The following GRM7 variants were observed in gnomAD, a reference collection of about 807,000 sequenced individuals.
GRM7 encodes glutamate metabotropic receptor 7, also known as metabotropic glutamate receptor 7.
Under a neutral mutation model 84.5 loss-of-function variants are expected in GRM7, and 35 were observed. The ratio of observed to expected loss-of-function variants is 0.41; its 90% CI spans 0.32 to 0.55. The LOEUF is 0.55. Among genes scored for constraint, GRM7 ranks in the 20% least tolerant of loss-of-function variants. The pLI, the probability that GRM7 is intolerant of heterozygous loss-of-function variation, is 0.19. For synonymous variants in GRM7, 487 were observed against 455.1 expected, an observed-to-expected ratio of 1.07 and a Z score of -0.89; for missense variants, 1,003 against 1,194.6, an observed-to-expected ratio of 0.84 and a Z score of 2.36.
chr3:7,398,958 A>G (rs1290559813), intron 4 of GRM7, among the ~76,000 whole-genome samples: 1 of 151,972 alleles, frequency 6.6e-6, no homozygotes, highest in Non-Finnish European at 1.5e-5. Context: ...ACACCTTCAA[A>G]TGCGGGCATT....
At chr3:6,980,003 C>G (rs189807599) in intron 1 of GRM7, among the ~76,000 whole-genome samples, 1 of 151,916 alleles carries the variant, frequency 6.6e-6, no homozygotes, top group Admixed American at 6.6e-5. Flanking sequence ...TTGAAAAATC[C>G]CCAAATCTCA....
intron 1 of GRM7, among the ~76,000 whole-genome samples, chr3:6,983,724 G>A (rs981781972): frequency 4.0e-5 from 6 of 151,854 alleles, no homozygotes; most frequent in African/African-American, 7.2e-5. Context: ...GCAGAACCTG[G>A]CTTTTGTAAT....
intron 2 of GRM7, among the ~76,000 whole-genome samples, chr3:7,163,569 A>G (rs1449773205): frequency 1.3e-5 from 2 of 152,238 alleles, no homozygotes; most frequent in Non-Finnish European, 2.9e-5. Flanking sequence ...GGCAAAGACA[A>G]TAAATAAGTA....
intron 1 of GRM7, among the ~76,000 whole-genome samples, chr3:6,877,946 T>A (rs1485306770): frequency 2.7e-5 from 3 of 112,104 alleles, no homozygotes; most frequent in African/African-American, 1.1e-4. Flanking sequence ...ACTCAATAAC[T>A]TACTTTTTTT....
intron 8 of GRM7, among the ~76,000 whole-genome samples, chr3:7,601,703 C>T (rs1249837001): frequency 6.6e-6 from 1 of 151,978 alleles, no homozygotes; most frequent in Non-Finnish European, 1.5e-5. Context: ...GTCAGTGTCT[C>T]CAGGAGTCAT....
chr3:7,314,670 C>T (rs892361610), intron 4 of GRM7, among the ~76,000 whole-genome samples: 2 of 151,972 alleles, frequency 1.3e-5, no homozygotes, highest in Non-Finnish European at 2.9e-5. Flanking sequence ...CCTATTTTCA[C>T]TTAGTTCTTT....
chr3:7,232,160 G>A (rs1352558115), intron 2 of GRM7, among the ~76,000 whole-genome samples: 1 of 151,918 alleles, frequency 6.6e-6, no homozygotes, highest in African/African-American at 2.4e-5. Flanking sequence ...GAGAGAAATA[G>A]CACACATGTA....
intron 9 of GRM7, among the ~76,000 whole-genome samples, chr3:7,716,183 A>C (rs3804820): frequency 0.075 from 11,430 of 152,150 alleles, 518 homozygotes; most frequent in South Asian, 0.12. Context: ...TAGTTCAGAG[A>C]CATATGGGAT....
chr3:7,426,852 C>G (rs942408790), intron 5 of GRM7, among the ~76,000 whole-genome samples: 2 of 152,154 alleles, frequency 1.3e-5, no homozygotes, highest in Non-Finnish European at 2.9e-5. Context: ...TGTTGAGAAA[C>G]TACTAATTTT....
At chr3:7,129,614 T>C (rs28713658) in intron 1 of GRM7, among the ~76,000 whole-genome samples, 16 of 152,244 alleles carry the variant, frequency 1.1e-4, no homozygotes, top group African/African-American at 3.8e-4. Flanking sequence ...CATTTGTCTT[T>C]TTCCATATCC....
chr3:6,929,959 A>T (rs1697442728), intron 1 of GRM7, among the ~76,000 whole-genome samples: 1 of 152,186 alleles, frequency 6.6e-6, no homozygotes, highest in Non-Finnish European at 1.5e-5. Flanking sequence ...CAGACCCCAC[A>T]AACGTGGTGT....
At chr3:7,618,826 A>C (rs1559443387) in intron 8 of GRM7, among the ~76,000 whole-genome samples, 1 of 151,954 alleles carries the variant, frequency 6.6e-6, no homozygotes, top group African/African-American at 2.4e-5. Context: ...TGATGATAAT[A>C]CAGAAGGTCC....
At chr3:7,520,225 A>T (rs1289281314) in intron 7 of GRM7, 1 of 152,128 alleles carries the variant, frequency 6.6e-6, no homozygotes, top group Non-Finnish European at 1.5e-5. Flanking sequence ...CATTGTTGGA[A>T]CACATTGTCT....
chr3:7,324,124 C>G (rs1279438629), intron 4 of GRM7, among the ~76,000 whole-genome samples: 1 of 152,092 alleles, frequency 6.6e-6, no homozygotes, highest in African/African-American at 2.4e-5. Context: ...AAACCTGGAC[C>G]AGGACTCCAT....
intron 7 of GRM7, among the ~76,000 whole-genome samples, chr3:7,547,095 A>G (rs918926863): frequency 9.9e-5 from 15 of 152,008 alleles, no homozygotes; most frequent in Admixed American, 7.9e-4. Context: ...TGAAAATTCA[A>G]TTAATTGAAG....
At chr3:7,141,323 A>G (rs1693937822) in intron 1 of GRM7, among the ~76,000 whole-genome samples, 1 of 152,018 alleles carries the variant, frequency 6.6e-6, no homozygotes, top group Non-Finnish European at 1.5e-5. Context: ...AACAAAATGA[A>G]TATTTTGTCT....
intron 7 of GRM7, among the ~76,000 whole-genome samples, chr3:7,541,363 T>G (rs890298985): frequency 6.6e-6 from 1 of 152,170 alleles, no homozygotes; most frequent in Non-Finnish European, 1.5e-5. Flanking sequence ...GGGGCCGTAT[T>G]TTATACCACG....
At chr3:7,497,992 A>T (rs989659714) in intron 7 of GRM7, among the ~76,000 whole-genome samples, 4 of 152,228 alleles carry the variant, frequency 2.6e-5, no homozygotes, top group Non-Finnish European at 5.9e-5. Context: ...TTTTGAAAAC[A>T]ATCAATAAGG....
intron 1 of GRM7, among the ~76,000 whole-genome samples, chr3:6,867,101 A>G (rs1408146731): frequency 1.3e-5 from 2 of 152,150 alleles, no homozygotes; most frequent in Admixed American, 1.3e-4. Context: ...CTGAATCTAG[A>G]TATGTCTGTG....
Sources: allele counts gnomAD v4.1 joint callset (sites outside exome capture counted in the v4.1 genomes callset), GRCh38; gene constraint gnomAD v4.1.1; transcripts MANE v1.5; gene names NCBI Gene and HGNC (gene_info 2026-07-23, HGNC 2026-07-21).